OBI1: variants seen among roughly 807,000 people sequenced by gnomAD.
OBI1 encodes ORC ubiquitin ligase 1.
OBI1 carries 59 observed loss-of-function variants against 62.4 expected under a neutral mutation model. That is an observed-to-expected ratio of 0.95 (90% CI 0.77 to 1.17). The LOEUF (loss-of-function observed/expected upper bound fraction) is 1.17. OBI1 is among the 50% of genes most tolerant of loss of function. The pLI, the probability that OBI1 is intolerant of heterozygous loss-of-function variation, is 0.00. For synonymous variants in OBI1, 302 were observed against 292.8 expected (o/e 1.03, Z -0.32); for missense variants, 875 against 830.9 (o/e 1.05, Z -0.65).
chr13:78,638,292 C>T (rs997448175), intron 4 of OBI1, among the ~76,000 whole-genome samples: 3 of 152,162 alleles, frequency 2.0e-5, no homozygotes, highest in Non-Finnish European at 4.4e-5. Context: ...TTTCATAAAT[C>T]ACAACATTCT....
chr13:78,644,285 C>A (rs1876318172), intron 2 of OBI1, among the ~76,000 whole-genome samples: 1 of 152,212 alleles, frequency 6.6e-6, no homozygotes, highest in Admixed American at 6.5e-5. Context: ...AGTCCTAGAG[C>A]AAGTCCCTGA....
At chr13:78,653,625 C>T (rs1388172743) in intron 1 of OBI1, among the ~76,000 whole-genome samples, 5 of 152,088 alleles carry the variant, frequency 3.3e-5, no homozygotes, top group Admixed American at 1.3e-4. Context: ...AAATACAGGA[C>T]GATGTGCCTG....
intron 5 of OBI1, among the ~76,000 whole-genome samples, chr13:78,633,589 A>G (rs1342237876): frequency 2.0e-5 from 3 of 152,160 alleles, no homozygotes; most frequent in Admixed American, 6.5e-5. Flanking sequence ...GTTGCTGGAC[A>G]TTGGGGGCCA....
Position 78,617,002 on chromosome 13 carries a change from T to C in OBI1, c.759A>G (p.Gln253=). 6.2e-7 allele frequency: 1 copy of C among 1,614,234 alleles called. No individual in the cohort carries two copies. Among genetic ancestry groups the C allele is most frequent in the Non-Finnish European group, 8.5e-7 (1 of 1,180,038 alleles). Residue 253 remains glutamine (Q), a synonymous_variant, in exon 6 of 6, where the codon CAA becomes CAG. Transcript: ENST00000282003. ...SDKYIEELES[Q]VAQLKNSSEE... is the part of the protein sequence containing the mutation. Reference sequence around the variant, plus strand: ...CACTTGAATTTTTTAGCTGTGCAACTTGAGATTCTAGTTCCTCTATATACT... The same window carrying C: ...CACTTGAATTTTTTAGCTGTGCAACCTGAGATTCTAGTTCCTCTATATACT...
intron 3 of OBI1, among the ~76,000 whole-genome samples, chr13:78,639,690 T>C (rs576641112): frequency 1.3e-5 from 2 of 148,240 alleles, no homozygotes; most frequent in African/African-American, 2.5e-5. Flanking sequence ...ATGTCCTTTG[T>C]AGGGACATGG....
At chr13:78,642,028 G>T in intron 3 of OBI1, 94 bp downstream of exon 3, 1 of 534,042 alleles carries the variant, frequency 1.9e-6, no homozygotes. Flanking sequence ...AAATTTCATT[G>T]GATATTTACT....
chr13:78,643,480 CTTTCT>C (rs760530714), intron 2 of OBI1, among the ~76,000 whole-genome samples: 13 of 152,088 alleles, frequency 8.5e-5, no homozygotes, highest in African/African-American at 1.2e-4. Context: ...ATATATATTC[CTTTCT>C]ATTTCCTTTG....
At chr13:78,637,981 G>C (rs1384065852) in intron 4 of OBI1, among the ~76,000 whole-genome samples, 1 of 152,164 alleles carries the variant, frequency 6.6e-6, no homozygotes, top group Non-Finnish European at 1.5e-5. Context: ...TGAGAGATAA[G>C]ATTTAGTAAT....
chr13:78,649,333 A>G (rs932033641), intron 1 of OBI1, among the ~76,000 whole-genome samples: 3 of 152,244 alleles, frequency 2.0e-5, no homozygotes, highest in South Asian at 2.1e-4. Context: ...GGAGAATATG[A>G]TATCACAGAA....
chr13:78,631,343 CAAGT>C (rs1160661208), intron 5 of OBI1, among the ~76,000 whole-genome samples: 1 of 152,108 alleles, frequency 6.6e-6, no homozygotes, highest in Non-Finnish European at 1.5e-5. Context: ...AGGGAAAGTA[CAAGT>C]AATAAGAAAT....
At chr13:78,643,441 T>C (rs1234988556) in intron 2 of OBI1, among the ~76,000 whole-genome samples, 1 of 152,200 alleles carries the variant, frequency 6.6e-6, no homozygotes, top group Non-Finnish European at 1.5e-5. Flanking sequence ...ATTTCCTAAG[T>C]CCTACTAGTT....
At chr13:78,658,981 C>T (rs1876796958) in intron 1 of OBI1, 68 bp downstream of exon 1, 3 of 1,418,834 alleles carry the variant, frequency 2.1e-6, no homozygotes, top group Admixed American at 3.5e-5. Context: ...CCGCACGAGA[C>T]GGCCCTCGGC....
At position 78,634,129 on chromosome 13, in the gene OBI1, A is replaced by C. The variant is rs555970175; in HGVS notation, c.638+981T>G. 4.6e-5 allele frequency among the ~76,000 whole-genome samples: 7 copies of C among 152,076 alleles called. No homozygotes were observed. The South Asian group carries it at 1.0e-3, about 23-fold the overall frequency. ...AAACAAAAAACAAACAACAAAAAAA[A>C]ACAAACTACTCCATAAGGGAAAAAT... is the stretch of plus-strand genomic sequence containing the variant. On this transcript the variant is annotated intron_variant, in intron 5 of 5. Transcript: ENST00000282003.
chr13:78,652,211 T>C (rs2137469293), intron 1 of OBI1, among the ~76,000 whole-genome samples: 1 of 152,278 alleles, frequency 6.6e-6, no homozygotes, highest in East Asian at 1.9e-4. Context: ...TCTAGACAAC[T>C]CAATGAATTT....
intron 1 of OBI1, among the ~76,000 whole-genome samples, chr13:78,658,099 G>A (rs1457034969): frequency 6.6e-6 from 1 of 152,172 alleles, no homozygotes; most frequent in Non-Finnish European, 1.5e-5. Context: ...GTATTGGCCG[G>A]CACTCAAATG....
At chr13:78,644,476 G>A (rs940230782) in intron 2 of OBI1, among the ~76,000 whole-genome samples, 9 of 151,576 alleles carry the variant, frequency 5.9e-5, no homozygotes, top group African/African-American at 1.5e-4. Flanking sequence ...AATTTTCACC[G>A]TTGAAATGTT....
rs1046372187 is a variant in OBI1, at chr13:78,657,806, T to G, written c.72+1243A>C. Among the ~76,000 whole-genome samples the G allele has an allele frequency of 5.3e-5, 8 of 152,220 alleles. No homozygotes were observed. The East Asian group carries it at 1.3e-3, about 26-fold the overall frequency. On this transcript the variant is annotated intron_variant, in intron 1 of 5. Transcript: ENST00000282003. ...GGAACTTTATGTCAGGAGCCAAATG[T>G]AGACTGTGGCAAATAGAAACATCGC...
intron 1 of OBI1, among the ~76,000 whole-genome samples, chr13:78,648,882 CA>C (rs1162039907): frequency 6.8e-6 from 1 of 147,198 alleles, no homozygotes. Flanking sequence ...CATTGCACTC[CA>C]GCCTGGGCAA....
Position 78,635,292 on chromosome 13 carries a change from T to C in OBI1, c.550-94A>G, listed in dbSNP as rs375460450. On this transcript the variant is annotated intron_variant, in intron 4 of 5. Coordinates refer to ENST00000282003, the MANE Select transcript of OBI1 (RefSeq NM_024546.4). The stretch of plus-strand genomic sequence containing the variant: ...GAGCCATCCGTATTTTTTAGAGTGA[T>C]AATATCAGAAAACTGAATAGTAGAA... 65 of 730,934 alleles carry C rather than the reference T, an allele frequency of 8.9e-5. No homozygotes were observed. The East Asian group carries it at 1.6e-3, about 18-fold the overall frequency. The allele number at this position is 730,934 out of a possible 1,614,324, so 45.3% of individuals were successfully genotyped here. A position where few individuals can be genotyped will look rare whatever the true frequency, so the allele number is the denominator to read the frequency against.
Sources: allele counts gnomAD v4.1 joint callset (sites outside exome capture counted in the v4.1 genomes callset), GRCh38; gene constraint gnomAD v4.1.1; transcripts MANE v1.5; gene names NCBI Gene and HGNC (gene_info 2026-07-23, HGNC 2026-07-21).